The following ITIH6 variants were observed in gnomAD, a reference collection of about 807,000 sequenced individuals.
ITIH6 encodes inter-alpha-trypsin inhibitor heavy chain family member 6, also known as inter-alpha-trypsin inhibitor heavy chain H6.
ITIH6 carries 60 observed loss-of-function variants against 58.2 expected under a neutral mutation model. The observed-to-expected ratio is 1.03, with a 90% CI of 0.84 to 1.28. ITIH6 has a LOEUF of 1.28. Among genes scored for constraint, ITIH6 ranks in the 50% most tolerant of loss-of-function variants. The probability of loss-of-function intolerance (pLI) is 0.00; values close to 1 mark genes in which losing one functional copy is unlikely to be tolerated. For synonymous variants in ITIH6, 493 were observed against 417.4 expected (o/e 1.18, Z -2.21); for missense variants, 1,290 against 1,021.1 (o/e 1.26, Z -3.59).
Position 54,753,941 on chromosome X carries a change from A to G in ITIH6, c.3227T>C (p.Phe1076Ser), listed in dbSNP as rs1193119020. 1 of 1,209,894 alleles carries G rather than the reference A, an allele frequency of 8.3e-7. No homozygotes were observed. Among genetic ancestry groups the G allele is most frequent in the South Asian group, 1.8e-5 (1 of 56,709 alleles). The part of the protein sequence containing the change: ...AKGTLPSIFT[F>S]SSSVDGDPHF... ...GGTGACTGGCTTACCTGAGGAGGAG[A>G]AGGTGAAGATGCTAGGCAATGTGCC... The change falls in exon 10 of 13, where the codon TTC becomes TCC. Residue 1076 changes from phenylalanine (F) to serine (S), a missense_variant. Physicochemically the swap from Phe to Ser is radical, Grantham distance 155 (BLOSUM62 -2). Transcript: ENST00000218436.
chrX:54,757,750 G>A lies in ITIH6; in HGVS notation c.2324C>T (p.Thr775Ile), dbSNP rs1602051237. The stretch of plus-strand genomic sequence containing the variant: ...ATGCAGTGGAGTAACACATTTCACA[G>A]TGTCAGCTTTGGGCGAGGCTGGGAT... ...PGIPASPKAD[T>I]VKCVTPLHSK... is the part of the protein sequence containing the mutation. Residue 775 changes from threonine to isoleucine, a missense_variant, in exon 8 of 13, where the codon ACT (threonine) becomes ATT (isoleucine). Transcript: ENST00000218436. 4.1e-6 allele frequency: 5 copies of A among 1,211,914 alleles called. No homozygotes were observed. The highest frequency in any genetic ancestry group is 5.6e-6 in the Non-Finnish European group (5 of 895,556).
At chrX:54,798,056 A>G in intron 1 of ITIH6, 53 bp downstream of exon 1, 1 of 855,717 alleles carries the variant, frequency 1.2e-6, no homozygotes, top group Non-Finnish European at 1.7e-6. Flanking sequence ...TTCCCCCAAG[A>G]AGCTAATTTT....
chrX:54,783,265 C>T (rs1295250914), intron 5 of ITIH6, among the ~76,000 whole-genome samples: 1 of 112,137 alleles, frequency 8.9e-6, no homozygotes, highest in African/African-American at 3.2e-5. Context: ...AGCCTTTCCC[C>T]TAAGGACTGG....
rs141873663 is a variant in ITIH6, at chrX:54,757,886, G to A, written c.2188C>T (p.Pro730Ser). 9 of 1,209,463 alleles carry A rather than the reference G, an allele frequency of 7.4e-6. No homozygotes were observed. Among genetic ancestry groups the A allele is most frequent in the East Asian group, 3.0e-5 (1 of 33,744 alleles). The change falls in exon 8 of 13, where the codon CCC becomes TCC. Residue 730 changes from proline (P) to serine (S), a missense_variant. Physicochemically the swap from Pro to Ser is moderately conservative, Grantham distance 74 (BLOSUM62 -1). Transcript: ENST00000218436. ...GGCAACAGAGTACCAGAATTTGAGG[G>A]CACAAGAATGGTAGGTTTTGTCCTG... is the stretch of plus-strand genomic sequence containing the variant. ...TLRTKPTILV[P>S]SNSGTLLPLK...
chrX:54,774,915 T>C (rs1929025044), intron 5 of ITIH6, among the ~76,000 whole-genome samples: 1 of 111,749 alleles, frequency 8.9e-6, no homozygotes, highest in South Asian at 3.7e-4. Flanking sequence ...CTCAGGGATG[T>C]CTGTGCTGGC....
chrX:54,767,325 C>G (rs2147608506), intron 6 of ITIH6, among the ~76,000 whole-genome samples: 2 of 108,175 alleles, frequency 1.8e-5, no homozygotes, highest in African/African-American at 7.0e-5. Context: ...TTTTGTTGAT[C>G]CTTTCAAAAA....
Position 54,790,977 on chromosome X carries a change from T to C in ITIH6, c.476A>G (p.Tyr159Cys), listed in dbSNP as rs1569544339. ...EELLQRHQGQ[Y>C]QLVVSLRPGQ... The stretch of plus-strand genomic sequence containing the variant: ...AGGCCTCAGGCTCACCACCAGCTGG[T>C]ACTGGCCCTGGTGCCGCTGAAGCAG... The change falls in exon 4 of 13, where the codon TAC (tyrosine) becomes TGC (cysteine). Residue 159 changes from tyrosine to cysteine, a missense_variant. Physicochemically the swap from Tyr to Cys is radical, Grantham distance 194. Coordinates refer to ENST00000218436, the MANE Select transcript of ITIH6 (RefSeq NM_198510.3). The C allele has an allele frequency of 8.3e-7, 1 of 1,211,803 alleles. No individual in the cohort carries two copies. The highest frequency in any genetic ancestry group is 1.1e-6 in the Non-Finnish European group (1 of 895,245).
chrX:54,787,238 C>A (rs745765989), intron 5 of ITIH6: 9 of 112,600 alleles, frequency 8.0e-5, no homozygotes, highest in Non-Finnish European at 1.5e-4. Flanking sequence ...GCACAACAGA[C>A]TGAGCCACAC....
intron 2 of ITIH6, among the ~76,000 whole-genome samples, chrX:54,793,191 A>T (rs1435075710): frequency 9.0e-6 from 1 of 111,641 alleles, no homozygotes. Flanking sequence ...CACAATGTGC[A>T]GGTTAGTTAC....
At chrX:54,765,821 AGTGT>A (rs2147607413) in intron 6 of ITIH6, among the ~76,000 whole-genome samples, 1 of 109,467 alleles carries the variant, frequency 9.1e-6, no homozygotes, top group African/African-American at 3.3e-5. Flanking sequence ...GAAGTCAGGT[AGTGT>A]GATGCCTCCA....
intron 12 of ITIH6, 78 bp from the exon 13 acceptor site, chrX:54,750,184 G>A: frequency 1.3e-6 from 1 of 779,018 alleles, no homozygotes; most frequent in Non-Finnish European, 1.9e-6. Flanking sequence ...GGCCCAGCAG[G>A]AAATCCAGAG....
intron 5 of ITIH6, among the ~76,000 whole-genome samples, chrX:54,786,934 C>A (rs781377664): frequency 2.7e-5 from 3 of 111,416 alleles, no homozygotes; most frequent in Admixed American, 9.5e-5. Context: ...GGGCTTTGAA[C>A]GAAGGGCACA....
intron 6 of ITIH6, among the ~76,000 whole-genome samples, chrX:54,763,467 A>T (rs952574281): frequency 1.8e-5 from 2 of 112,172 alleles, no homozygotes; most frequent in African/African-American, 6.5e-5. Flanking sequence ...TTTCCCAGCT[A>T]TCTTTCTGTA....
chrX:54,776,578 C>T (rs1929057564), intron 5 of ITIH6, among the ~76,000 whole-genome samples: 2 of 110,425 alleles, frequency 1.8e-5, no homozygotes, highest in African/African-American at 3.3e-5. Context: ...GTGGAAAAGA[C>T]GTTGTCTTGC....
intron 2 of ITIH6, among the ~76,000 whole-genome samples, chrX:54,795,723 G>A (rs1929429593): frequency 8.9e-6 from 1 of 111,756 alleles, no homozygotes; most frequent in Non-Finnish European, 1.9e-5. Flanking sequence ...CTCAGTTTAG[G>A]TGTTATCTCT....
Position 54,790,874 on chromosome X carries a change from G to T in ITIH6, c.579C>A (p.Pro193=), listed in dbSNP as rs1022033623. The change falls in exon 4 of 13, where the codon CCC becomes CCA. Residue 193 remains proline (P), a synonymous_variant. Coordinates refer to ENST00000218436, the MANE Select transcript of ITIH6 (RefSeq NM_198510.3). ...TGGTGCGCAGACGGCCGGTCCTCAG[G>T]GGTGGTATGTGCACATAGGAGATGC... is the stretch of plus-strand genomic sequence containing the variant. The part of the protein sequence containing the change: ...RTGISYVHIP[P]LRTGRLRTNA... 1 of 1,212,136 alleles carries T rather than the reference G, an allele frequency of 8.2e-7. No individual in the cohort carries two copies. Among genetic ancestry groups the T allele is most frequent in the Admixed American group, 2.2e-5 (1 of 46,131 alleles).
At chrX:54,791,329 AC>A (rs1194207368) in intron 3 of ITIH6, among the ~76,000 whole-genome samples, 1 of 108,610 alleles carries the variant, frequency 9.2e-6, no homozygotes, top group African/African-American at 3.4e-5. Flanking sequence ...CAGGTGGTCC[AC>A]CCTTAAGGGA....
intron 7 of ITIH6, 81 bp downstream of exon 7, chrX:54,759,675 A>T (rs1928593664): frequency 2.6e-6 from 2 of 783,343 alleles, no homozygotes; most frequent in Non-Finnish European, 3.7e-6. Flanking sequence ...GTTGAGGAGG[A>T]TGGGGGAATG....
At chrX:54,785,650 C>A (rs1222344740) in intron 5 of ITIH6, among the ~76,000 whole-genome samples, 2 of 111,883 alleles carry the variant, frequency 1.8e-5, no homozygotes, top group Non-Finnish European at 3.8e-5. Context: ...CGATCTGCGA[C>A]AGTGAACTCT....
Sources: gnomAD v4.1 joint callset for allele counts (sites outside exome capture counted in the v4.1 genomes callset) on GRCh38, gnomAD v4.1.1 for gene constraint, MANE v1.5 for transcripts, NCBI Gene and HGNC (gene_info 2026-07-23, HGNC 2026-07-21) for gene names.